CACNA2D1: variants seen among roughly 807,000 people sequenced by gnomAD.
CACNA2D1 encodes the protein calcium voltage-gated channel auxiliary subunit alpha2delta 1, also known as voltage-dependent calcium channel subunit alpha-2/delta-1.
In CACNA2D1, 53 loss-of-function variants were observed where a neutral mutation model predicts 171.5. That is an observed-to-expected ratio of 0.31 (90% confidence interval 0.25 to 0.39). CACNA2D1 has a LOEUF of 0.39. Ranked by LOEUF, CACNA2D1 falls within the 10% of genes least tolerant of loss-of-function variation. The pLI is 1.00. For missense variants in CACNA2D1, 903 were observed against 1,299.8 expected (o/e 0.69, Z 4.69); for synonymous variants, 442 against 443.1 (o/e 1.00, Z 0.03).
intron 12 of CACNA2D1, among the ~76,000 whole-genome samples, chr7:82,015,203 A>G (rs1181995678): frequency 6.6e-6 from 1 of 152,234 alleles, no homozygotes; most frequent in East Asian, 1.9e-4. Flanking sequence ...GTATGTAGTA[A>G]TGAAAAAGTA....
chr7:81,968,738 ATATTT>A, intron 29 of CACNA2D1, 144 bp downstream of exon 29: 2 of 586,604 alleles, frequency 3.4e-6, no homozygotes, highest in Non-Finnish European at 6.1e-6. Context: ...GTAACTAGTC[ATATTT>A]TATTTAATTT....
intron 3 of CACNA2D1, among the ~76,000 whole-genome samples, chr7:82,316,771 C>T (rs1316516711): frequency 2.0e-5 from 3 of 152,150 alleles, no homozygotes; most frequent in African/African-American, 7.2e-5. Flanking sequence ...CAAAGGCATG[C>T]CTTACATGGT....
intron 34 of CACNA2D1, 32 bp from the exon 35 acceptor site, chr7:81,962,527 T>A: frequency 7.1e-7 from 1 of 1,405,310 alleles, no homozygotes; most frequent in Admixed American, 1.9e-5. Context: ...AAAATAAACA[T>A]CTAGGGAAAA....
At chr7:82,169,189 C>A (rs775644782) in intron 4 of CACNA2D1, among the ~76,000 whole-genome samples, 9 of 151,942 alleles carry the variant, frequency 5.9e-5, no homozygotes, top group Non-Finnish European at 1.0e-4. Flanking sequence ...ATATTGTAAG[C>A]CTCTTCATTC....
At chr7:82,256,717 C>T (rs188789092) in intron 3 of CACNA2D1, among the ~76,000 whole-genome samples, 30 of 152,150 alleles carry the variant, frequency 2.0e-4, no homozygotes, top group Admixed American at 1.6e-3. Context: ...AGCTTAAGGA[C>T]GAAGACCCTT....
intron 3 of CACNA2D1, among the ~76,000 whole-genome samples, chr7:82,272,146 T>C (rs1808716801): frequency 1.3e-5 from 2 of 152,152 alleles, no homozygotes; most frequent in South Asian, 2.1e-4. Flanking sequence ...AGATATTCTA[T>C]AAAACATAAA....
intron 38 of CACNA2D1, among the ~76,000 whole-genome samples, chr7:81,955,933 G>A: frequency 8.2e-6 from 1 of 121,776 alleles, no homozygotes; most frequent in Non-Finnish European, 1.7e-5. Flanking sequence ...GTGGTCTTAG[G>A]TTAAAAAGAT....
intron 6 of CACNA2D1, among the ~76,000 whole-genome samples, chr7:82,115,712 T>A (rs1056726694): frequency 1.3e-5 from 2 of 151,496 alleles, no homozygotes; most frequent in Non-Finnish European, 2.9e-5. Flanking sequence ...GCATTAAAAA[T>A]TGTTTTTAAA....
chr7:82,390,656 C>A (rs1400827713), intron 1 of CACNA2D1, among the ~76,000 whole-genome samples: 1 of 152,024 alleles, frequency 6.6e-6, no homozygotes, highest in Non-Finnish European at 1.5e-5. Context: ...CCTAGGAAGC[C>A]CAGCCCCCAT....
chr7:82,125,748 AATGAT>A (rs2129062434), intron 5 of CACNA2D1, among the ~76,000 whole-genome samples: 1 of 152,264 alleles, frequency 6.6e-6, no homozygotes, highest in South Asian at 2.1e-4. Context: ...TGAAACCTAT[AATGAT>A]ATGAAAACAA....
intron 6 of CACNA2D1, among the ~76,000 whole-genome samples, chr7:82,089,989 T>A (rs1810949735): frequency 6.6e-6 from 1 of 152,206 alleles, no homozygotes; most frequent in African/African-American, 2.4e-5. Flanking sequence ...TGTAACAGCT[T>A]TGAGATGTCA....
chr7:82,398,135 C>G (rs982515031), intron 1 of CACNA2D1, among the ~76,000 whole-genome samples: 3 of 152,142 alleles, frequency 2.0e-5, no homozygotes, highest in Non-Finnish European at 4.4e-5. Context: ...TAAGATTAAA[C>G]TACAACTATT....
chr7:81,957,798 T>C (rs954368682), intron 38 of CACNA2D1, among the ~76,000 whole-genome samples: 1 of 152,148 alleles, frequency 6.6e-6, no homozygotes, highest in Non-Finnish European at 1.5e-5. Flanking sequence ...GGAGCTTCAA[T>C]TGCTGAACAT....
chr7:82,206,474 C>T (rs1393707265), intron 3 of CACNA2D1, among the ~76,000 whole-genome samples: 3 of 152,070 alleles, frequency 2.0e-5, no homozygotes, highest in Non-Finnish European at 2.9e-5. Context: ...GGTAGCAATA[C>T]TACCACTGCT....
intron 10 of CACNA2D1, among the ~76,000 whole-genome samples, chr7:82,047,710 G>GACTCTCTCT (rs1158604245): frequency 6.6e-6 from 1 of 151,288 alleles, no homozygotes; most frequent in Admixed American, 6.6e-5. Flanking sequence ...GTACAAAAAA[G>GACTCTCTCT]ACTCTCTCTA....
At chr7:82,055,612 A>C (rs2131341262) in intron 10 of CACNA2D1, among the ~76,000 whole-genome samples, 1 of 151,716 alleles carries the variant, frequency 6.6e-6, no homozygotes, top group African/African-American at 2.4e-5. Context: ...TGTCCTTTGT[A>C]GGGACATGGA....
intron 3 of CACNA2D1, among the ~76,000 whole-genome samples, chr7:82,210,971 G>A (rs1800487527): frequency 6.6e-6 from 1 of 152,046 alleles, no homozygotes; most frequent in Non-Finnish European, 1.5e-5. Flanking sequence ...TATGTGCTAG[G>A]CACTGTGTTA....
intron 19 of CACNA2D1, among the ~76,000 whole-genome samples, chr7:81,995,393 A>C (rs1584333358): frequency 6.6e-6 from 1 of 152,172 alleles, no homozygotes; most frequent in East Asian, 1.9e-4. Context: ...TAATTCTTAT[A>C]TCTGGGTACC....
In CACNA2D1 at chr7:82,181,041, A is replaced by ATTTTTTTTTTTTTTTTTTTT. The variant is rs71093367; in HGVS notation, c.295-10452_295-10433dup. On this transcript the variant is annotated intron_variant, in intron 3 of 38. Coordinates refer to ENST00000356860, the MANE Select transcript of CACNA2D1 (RefSeq NM_000722.4). ...GGTCAGCAGCTGTGGGGCATGTCGG[A>ATTTTTTTTTTTTTTTTTTTT]TTTTTTTTTTTTTTTTTTTTTTTTT... Among the ~76,000 whole-genome samples the ATTTTTTTTTTTTTTTTTTTT allele has an allele frequency of 2.7e-3, 37 of 13,958 alleles. 14 individuals carry two copies. The highest frequency in any genetic ancestry group is 7.9e-3 in the South Asian group (2 of 252). 9.2% of individuals were successfully genotyped at this position (13,958 alleles called of 152,430 possible).
Sources: allele counts gnomAD v4.1 joint callset (sites outside exome capture counted in the v4.1 genomes callset), GRCh38; gene constraint gnomAD v4.1.1; transcripts MANE v1.5; gene names NCBI Gene and HGNC (gene_info 2026-07-23, HGNC 2026-07-21).